The following STARD13 variants were observed in gnomAD, a reference collection of about 807,000 sequenced individuals.
The protein encoded by STARD13 is stAR-related lipid transfer protein 13.
Under a neutral mutation model 106.4 loss-of-function variants are expected in STARD13, and 62 were observed. The observed-to-expected ratio is 0.58, with a 90% CI of 0.48 to 0.72. The LOEUF (loss-of-function observed/expected upper bound fraction) is 0.72, where lower values mean the gene tolerates loss of function less well. Ranked by LOEUF, STARD13 falls within the 30% of genes least tolerant of loss-of-function variation. The probability of loss-of-function intolerance (pLI) is 0.00; values close to 1 mark genes in which losing one functional copy is unlikely to be tolerated. For missense variants in STARD13, 1,387 were observed against 1,424.0 expected (o/e 0.97, Z 0.42); for synonymous variants, 565 against 553.0 (o/e 1.02, Z -0.31).
At chr13:33,253,568 T>C (rs1594170091) in intron 1 of STARD13, among the ~76,000 whole-genome samples, 1 of 152,290 alleles carries the variant, frequency 6.6e-6, no homozygotes, top group South Asian at 2.1e-4. Flanking sequence ...GCTGCAGCAC[T>C]GCTGGGTGAG....
chr13:33,551,217 G>A, the STARD13 span, among the ~76,000 whole-genome samples: 1 of 152,328 alleles, frequency 6.6e-6, no homozygotes, highest in African/African-American at 2.4e-5. Flanking sequence ...GTGCCTGCAT[G>A]ACGAAGTCTG....
chr13:33,166,160 C>T (rs1043744911), intron 2 of STARD13, among the ~76,000 whole-genome samples: 11 of 152,098 alleles, frequency 7.2e-5, no homozygotes, highest in Non-Finnish European at 1.2e-4. Flanking sequence ...CTACACCTTG[C>T]CAGTCATGAT....
intron 1 of STARD13, among the ~76,000 whole-genome samples, chr13:33,316,112 T>A (rs1339865328): frequency 1.3e-5 from 2 of 152,196 alleles, no homozygotes; most frequent in East Asian, 3.9e-4. Context: ...AAGATCACAT[T>A]TACTTTAGCA....
chr13:33,414,004 G>A, the STARD13 span, among the ~76,000 whole-genome samples: 1 of 140,806 alleles, frequency 7.1e-6, no homozygotes, highest in Non-Finnish European at 1.5e-5. Flanking sequence ...CTGCACTCCA[G>A]CCTCAGGGAC....
At chr13:33,232,021 T>C (rs1396676110) in intron 1 of STARD13, among the ~76,000 whole-genome samples, 1 of 152,192 alleles carries the variant, frequency 6.6e-6, no homozygotes, top group Non-Finnish European at 1.5e-5. Flanking sequence ...ATGTAAATGC[T>C]ATGTAAATAG....
the STARD13 span, among the ~76,000 whole-genome samples, chr13:33,376,557 C>T: frequency 2.6e-5 from 4 of 151,764 alleles, no homozygotes; most frequent in Admixed American, 2.0e-4. Context: ...CTGTAGTGAG[C>T]TGTGATTGAA....
chr13:33,180,520 C>G (rs1693959607), intron 1 of STARD13: 1 of 152,130 alleles, frequency 6.6e-6, no homozygotes, highest in Admixed American at 6.5e-5. Context: ...GAAAAAATCT[C>G]AACAAGTAAG....
At chr13:33,215,124 G>GT (rs953212024) in intron 1 of STARD13, among the ~76,000 whole-genome samples, 1 of 128,274 alleles carries the variant, frequency 7.8e-6, no homozygotes, top group African/African-American at 3.0e-5. Flanking sequence ...GTACTTGGGG[G>GT]GGGGGGTGGG....
chr13:33,477,288 C>T, the STARD13 span, among the ~76,000 whole-genome samples: 1 of 152,162 alleles, frequency 6.6e-6, no homozygotes, highest in South Asian at 2.1e-4. Context: ...AGTGCCTGCC[C>T]ATCTCCATCC....
chr13:33,108,334 A>G (rs1874053515), intron 12 of STARD13, among the ~76,000 whole-genome samples: 2 of 152,228 alleles, frequency 1.3e-5, no homozygotes, highest in East Asian at 1.9e-4. Context: ...GTTGTTGGGA[A>G]CCAGATCTGG....
intron 4 of STARD13, among the ~76,000 whole-genome samples, chr13:33,133,502 A>G (rs1027170765): frequency 6.6e-6 from 1 of 152,244 alleles, no homozygotes; most frequent in African/African-American, 2.4e-5. Context: ...CCCTGTGCCT[A>G]CAACGATCAT....
chr13:33,475,913 C>T, the STARD13 span, among the ~76,000 whole-genome samples: 30 of 151,876 alleles, frequency 2.0e-4, no homozygotes, highest in East Asian at 2.9e-3. Flanking sequence ...GCCGAGATGG[C>T]GCCACTGCAC....
intron 1 of STARD13, among the ~76,000 whole-genome samples, chr13:33,187,634 G>T (rs939607695): frequency 6.9e-6 from 1 of 145,862 alleles, no homozygotes; most frequent in Non-Finnish European, 1.5e-5. Flanking sequence ...TTTTTACTAT[G>T]GTAAAAAAAA....
At chr13:33,414,813 G>A in the STARD13 span, among the ~76,000 whole-genome samples, 1 of 152,090 alleles carries the variant, frequency 6.6e-6, no homozygotes, top group Non-Finnish European at 1.5e-5. Context: ...AAGGGATATA[G>A]AATTATTAGG....
At chr13:33,283,972 C>T (rs1307551890) in intron 1 of STARD13, among the ~76,000 whole-genome samples, 1 of 152,130 alleles carries the variant, frequency 6.6e-6, no homozygotes, top group Admixed American at 6.5e-5. Flanking sequence ...TGCTGAGGAA[C>T]ATTTATATCT....
intron 1 of STARD13, among the ~76,000 whole-genome samples, chr13:33,266,953 C>T (rs1014054005): frequency 6.6e-6 from 1 of 152,152 alleles, no homozygotes; most frequent in South Asian, 2.1e-4. Context: ...AATAGAAGAG[C>T]TGATGCGGAA....
chr13:33,256,524 C>A (rs893411735), intron 1 of STARD13, among the ~76,000 whole-genome samples: 1 of 152,214 alleles, frequency 6.6e-6, no homozygotes, highest in East Asian at 1.9e-4. Context: ...GTCCACAATG[C>A]AGCACATTTT....
the STARD13 span, among the ~76,000 whole-genome samples, chr13:33,632,180 A>G: frequency 6.6e-6 from 1 of 152,206 alleles, no homozygotes; most frequent in Non-Finnish European, 1.5e-5. Context: ...CAAAGAACAC[A>G]TATGAGTAAT....
the STARD13 span, among the ~76,000 whole-genome samples, chr13:33,558,104 C>G: frequency 6.6e-6 from 1 of 152,184 alleles, no homozygotes; most frequent in East Asian, 1.9e-4. Context: ...AATACAATCT[C>G]ATGTATAGAA....
Sources: gnomAD v4.1 joint callset for allele counts (sites outside exome capture counted in the v4.1 genomes callset) on GRCh38, gnomAD v4.1.1 for gene constraint, MANE v1.5 for transcripts, NCBI Gene and HGNC (gene_info 2026-07-23, HGNC 2026-07-21) for gene names.